ACSM1: variants seen among roughly 807,000 people sequenced by gnomAD.
The protein encoded by ACSM1 is acyl-CoA synthetase medium chain family member 1.
In ACSM1, 79 loss-of-function variants were observed where a neutral mutation model predicts 75.8. The ratio of observed to expected loss-of-function variants is 1.04; its 90% CI spans 0.87 to 1.26. ACSM1 has a LOEUF of 1.26. Ranked by LOEUF, ACSM1 falls within the 50% of genes most tolerant of loss-of-function variation. The pLI, the probability that ACSM1 is intolerant of heterozygous loss-of-function variation, is 0.00. For missense variants in ACSM1, 676 were observed against 720.1 expected (o/e 0.94, Z 0.70); for synonymous variants, 279 against 265.8 (o/e 1.05, Z -0.48).
chr16:20,636,880 C>T (rs200870693), intron 9 of ACSM1, 40 bp from the exon 10 acceptor site: 90 of 1,501,620 alleles, frequency 6.0e-5, no homozygotes, highest in South Asian at 4.1e-4. Flanking sequence ...TGCAGGAGGC[C>T]GCAGCCCTTC....
intron 7 of ACSM1, among the ~76,000 whole-genome samples, chr16:20,643,139 G>C (rs1186926561): frequency 6.6e-6 from 1 of 152,180 alleles, no homozygotes; most frequent in Non-Finnish European, 1.5e-5. Flanking sequence ...GCTGGTTCCA[G>C]GCAAACCAAT....
intron 10 of ACSM1, among the ~76,000 whole-genome samples, chr16:20,628,994 A>T (rs1467408532): frequency 6.6e-6 from 1 of 152,178 alleles, no homozygotes; most frequent in Non-Finnish European, 1.5e-5. Context: ...ATCAAATTAC[A>T]TCCCTTTTTG....
rs117187073 is a variant in ACSM1 at position 20,659,633 on chromosome 16, C to A, written c.992+2161G>T. 9.1e-3 allele frequency among the ~76,000 whole-genome samples: 1,388 copies of A among 152,294 alleles called. 12 individuals carry two copies. The highest frequency in any genetic ancestry group is 0.014 in the Non-Finnish European group (981 of 68,002). ...ATATCTTGAAATTGCCCTGCAAAGT[C>A]TCTTGTGGGAAAAGTCCACATTCTA... is the stretch of plus-strand genomic sequence containing the variant. On this transcript the variant is annotated intron_variant, in intron 7 of 13. Coordinates refer to ENST00000520010, the MANE Select transcript of ACSM1 (RefSeq NM_001318890.3).
Position 20,669,854 on chromosome 16 carries a change from T to C in ACSM1, c.885A>G (p.Pro295=). Residue 295 remains proline, a synonymous_variant, in exon 6 of 14, where the codon CCA becomes CCG. Coordinates refer to ENST00000520010, the MANE Select transcript of ACSM1 (RefSeq NM_001318890.3). The part of the protein sequence containing the change: ...AGCTVFIHHL[P]QFDTKVIIQT... The stretch of plus-strand genomic sequence containing the variant: ...GTATGATGACCTTGGTGTCAAACTG[T>C]GGCAGATGGTGGATAAAGACTGTAC... 2 of 1,613,994 alleles carry C rather than the reference T, an allele frequency of 1.2e-6. No homozygotes were observed. The highest frequency in any genetic ancestry group is 1.7e-6 in the Non-Finnish European group (2 of 1,179,896).
At chr16:20,674,166 ACCCAGTTGC>A (rs1567298631) in intron 4 of ACSM1, 3 of 416,744 alleles carry the variant, frequency 7.2e-6, no homozygotes, top group African/African-American at 4.1e-5. Flanking sequence ...ATGTAAGAAA[ACCCAGTTGC>A]CCCAGAGGAA....
intron 7 of ACSM1, among the ~76,000 whole-genome samples, chr16:20,653,993 GAC>G (rs2018799182): frequency 6.6e-6 from 1 of 152,186 alleles, no homozygotes; most frequent in African/African-American, 2.4e-5. Flanking sequence ...CGCGCTACCT[GAC>G]TTCAAACGAT....
intron 11 of ACSM1, among the ~76,000 whole-genome samples, chr16:20,626,933 C>G (rs898814118): frequency 1.4e-4 from 22 of 152,054 alleles, no homozygotes; most frequent in Admixed American, 3.9e-4. Flanking sequence ...TCCACTCCCC[C>G]CACCCCACTG....
chr16:20,637,342 G>T (rs1174201640), intron 9 of ACSM1, 29 bp downstream of exon 9: 13 of 1,600,148 alleles, frequency 8.1e-6, no homozygotes, highest in Non-Finnish European at 1.1e-5. Context: ...AGCCCTAACT[G>T]CTCCCTGCCA....
chr16:20,667,936 G>T (rs575217415), intron 6 of ACSM1, among the ~76,000 whole-genome samples: 8 of 152,264 alleles, frequency 5.3e-5, no homozygotes, highest in African/African-American at 1.9e-4. Flanking sequence ...TCACTTATAA[G>T]TGGGAACTAA....
rs557179996 is a variant in ACSM1 at position 20,684,016 on chromosome 16, G to A, written c.403+1177C>T. 7.2e-5 allele frequency among the ~76,000 whole-genome samples: 11 copies of A among 152,130 alleles called. No individual in the cohort carries two copies. In the South Asian group the frequency reaches 1.5e-3, roughly 20 times the overall value. On this transcript the variant is annotated intron_variant, in intron 3 of 13. Coordinates refer to ENST00000520010, the MANE Select transcript of ACSM1 (RefSeq NM_001318890.3). ...TTTTATTTGTGAGAGAATATGAGAC[G>A]GAGAGAGAGAAAATATGATCAAGAG...
rs753078730 is a variant in ACSM1 at position 20,691,076 on chromosome 16, G to T, written c.113C>A (p.Pro38Gln). 1 of 1,613,710 alleles carries T rather than the reference G, an allele frequency of 6.2e-7. No individual in the cohort carries two copies. The highest frequency in any genetic ancestry group is 1.3e-5 in the African/African-American group (1 of 75,020). The change falls in exon 2 of 14, where the codon CCA becomes CAA. Residue 38 changes from proline to glutamine, a missense_variant. Coordinates refer to ENST00000520010, the MANE Select transcript of ACSM1 (RefSeq NM_001318890.3). ...RCRSLSEFGAPRWNDYEVPEE... is the reference protein window; with the variant it reads ...RCRSLSEFGAQRWNDYEVPEE... ...CGGTACTTCATAGTCATTCCATCTTGGGGCTCCAAATTCTGATAAAGACCG... is the reference window on the plus strand; with the variant it reads ...CGGTACTTCATAGTCATTCCATCTTTGGGCTCCAAATTCTGATAAAGACCG...
intron 8 of ACSM1, among the ~76,000 whole-genome samples, 198 bp downstream of exon 8, chr16:20,640,263 G>A (rs192546722): frequency 4.6e-5 from 7 of 152,260 alleles, no homozygotes; most frequent in East Asian, 3.9e-4. Flanking sequence ...AATTTGCCTC[G>A]TAACTACCCC....
chr16:20,691,302 A>C, intron 1 of ACSM1, 63 bp from the exon 2 acceptor site: 7 of 896,036 alleles, frequency 7.8e-6, no homozygotes, highest in Non-Finnish European at 1.2e-5. Flanking sequence ...AATTGGGTGC[A>C]TGTTTTTGGT....
Position 20,623,458 on chromosome 16 carries a change from G to T in ACSM1, c.*28C>A. The T allele has an allele frequency of 6.2e-7, 1 of 1,601,366 alleles. No individual in the cohort carries two copies. The highest frequency in any genetic ancestry group is 8.6e-7 in the Non-Finnish European group (1 of 1,168,540). On this transcript the variant is annotated 3_prime_UTR_variant, in exon 14 of 14. Coordinates refer to ENST00000520010, the MANE Select transcript of ACSM1 (RefSeq NM_001318890.3). ...AAGTGGCCAGGGATTTGCCTTAGGT[G>T]TGCAGTGCGTTCTGAGTTCACTGCC...
At chr16:20,655,745 C>A (rs1169038487) in intron 7 of ACSM1, among the ~76,000 whole-genome samples, 1 of 152,170 alleles carries the variant, frequency 6.6e-6, no homozygotes, top group Non-Finnish European at 1.5e-5. Flanking sequence ...TCACTGCAAC[C>A]TCCAGCTCCT....
chr16:20,623,422 T>G lies in ACSM1; in HGVS notation c.*64A>C. ...TGCCCCACCCTCGTCCTCACCATAGTGGGGAGACTAAAGTGGCCAGGGATT... is the reference window on the plus strand; with the variant it reads ...TGCCCCACCCTCGTCCTCACCATAGGGGGGAGACTAAAGTGGCCAGGGATT... On this transcript the variant is annotated 3_prime_UTR_variant, in exon 14 of 14. Transcript: ENST00000520010. 1.4e-6 allele frequency: 2 copies of G among 1,446,684 alleles called. No individual in the cohort carries two copies. The highest frequency in any genetic ancestry group is 1.9e-6 in the Non-Finnish European group (2 of 1,029,568). 89.6% of individuals were successfully genotyped at this position (1,446,684 alleles called of 1,614,324 possible). A position where few individuals can be genotyped will look rare whatever the true frequency, so the allele number is the denominator to read the frequency against.
At chr16:20,675,443 G>C (rs1384997722) in intron 4 of ACSM1, among the ~76,000 whole-genome samples, 1 of 152,108 alleles carries the variant, frequency 6.6e-6, no homozygotes. Context: ...GGCAGGGAAA[G>C]GCACGTTCCT....
chr16:20,660,994 AAT>A (rs2019267919), intron 7 of ACSM1, among the ~76,000 whole-genome samples: 1 of 152,188 alleles, frequency 6.6e-6, no homozygotes, highest in Non-Finnish European at 1.5e-5. Flanking sequence ...AAGAAGCATA[AAT>A]TGGTTTGGAA....
intron 4 of ACSM1, among the ~76,000 whole-genome samples, chr16:20,677,442 A>G (rs1160268993): frequency 6.6e-6 from 1 of 152,194 alleles, no homozygotes; most frequent in Non-Finnish European, 1.5e-5. Flanking sequence ...AATAGCTGCC[A>G]CTGCCCTACT....
Sources: allele counts gnomAD v4.1 joint callset (sites outside exome capture counted in the v4.1 genomes callset), GRCh38; gene constraint gnomAD v4.1.1; transcripts MANE v1.5; gene names NCBI Gene and HGNC (gene_info 2026-07-23, HGNC 2026-07-21).